CSMD1: variants seen among roughly 807,000 people sequenced by gnomAD.
CSMD1 encodes CUB and sushi domain-containing protein 1.
Under a neutral mutation model 417.5 loss-of-function variants are expected in CSMD1, and 213 were observed. That is an observed-to-expected ratio of 0.51 (90% confidence interval 0.46 to 0.57). The LOEUF is 0.57. Among genes scored for constraint, CSMD1 ranks in the 20% least tolerant of loss-of-function variants. CSMD1 has a pLI of 0.00. For missense variants in CSMD1, 6,923 were observed against 4,529.7 expected (o/e 1.53, Z -15.17); for synonymous variants, 2,862 against 1,736.8 (o/e 1.65, Z -16.11).
chr8:4,925,490 G>A (rs888376443), intron 1 of CSMD1, among the ~76,000 whole-genome samples: 5 of 151,238 alleles, frequency 3.3e-5, no homozygotes, highest in Non-Finnish European at 7.4e-5. Flanking sequence ...GTAATTTCTA[G>A]TCTTGTGTTC....
intron 3 of CSMD1, among the ~76,000 whole-genome samples, chr8:4,223,173 G>T (rs540153761): frequency 6.7e-6 from 1 of 149,474 alleles, no homozygotes; most frequent in Non-Finnish European, 1.5e-5. Flanking sequence ...AGGAGCCTCC[G>T]GGAGTTAATA....
intron 30 of CSMD1, among the ~76,000 whole-genome samples, chr8:3,213,233 G>T (rs1346527335): frequency 1.3e-5 from 2 of 152,170 alleles, no homozygotes; most frequent in African/African-American, 2.4e-5. Flanking sequence ...AAACGAAACT[G>T]GTCTTTGAGC....
chr8:4,859,334 A>G (rs193012458), intron 1 of CSMD1, among the ~76,000 whole-genome samples: 27 of 152,344 alleles, frequency 1.8e-4, no homozygotes, highest in Admixed American at 8.5e-4. Flanking sequence ...CCTAGGCATT[A>G]CCATTCAGGA....
intron 50 of CSMD1, among the ~76,000 whole-genome samples, chr8:3,048,714 T>G (rs1811620790): frequency 6.6e-6 from 1 of 151,652 alleles, no homozygotes; most frequent in Non-Finnish European, 1.5e-5. Context: ...AGGATGCATT[T>G]TAAAAAGAAC....
intron 8 of CSMD1, among the ~76,000 whole-genome samples, chr8:3,615,182 A>C (rs553933157): frequency 6.6e-6 from 1 of 152,114 alleles, no homozygotes; most frequent in African/African-American, 2.4e-5. Context: ...TTCACAACCA[A>C]CTCTTCCTCT....
At chr8:4,684,441 A>G (rs901542269) in intron 1 of CSMD1, among the ~76,000 whole-genome samples, 3 of 152,158 alleles carry the variant, frequency 2.0e-5, no homozygotes, top group Non-Finnish European at 2.9e-5. Context: ...TTTGAAATGG[A>G]TAATTTTTTG....
chr8:3,923,801 G>A (rs975605744), intron 5 of CSMD1, among the ~76,000 whole-genome samples: 2 of 152,116 alleles, frequency 1.3e-5, no homozygotes, highest in African/African-American at 4.8e-5. Context: ...AGTTACCACT[G>A]TTCTACTCCC....
chr8:4,403,374 C>G (rs928302635), intron 3 of CSMD1, among the ~76,000 whole-genome samples: 5 of 152,148 alleles, frequency 3.3e-5, no homozygotes, highest in African/African-American at 1.2e-4. Flanking sequence ...TACTTGACCT[C>G]TCTAACTTCT....
chr8:3,580,328 G>C (rs375772662), intron 9 of CSMD1, among the ~76,000 whole-genome samples: 1 of 152,138 alleles, frequency 6.6e-6, no homozygotes, highest in African/African-American at 2.4e-5. Context: ...GTAAGAAGTG[G>C]TTTTGGAAGG....
intron 7 of CSMD1, among the ~76,000 whole-genome samples, chr8:3,664,058 T>C (rs554136139): frequency 8.5e-5 from 13 of 152,202 alleles, no homozygotes; most frequent in Non-Finnish European, 1.3e-4. Flanking sequence ...AAACTTTAAG[T>C]TCTAGGGTAC....
chr8:3,887,295 T>C lies in CSMD1; in HGVS notation c.818+110608A>G, dbSNP rs1013069882. ...AACCACCTGGGAGGCCCACGGTACA[T>C]CCTCCCCCCATCGCCAGGTGATAGT... On this transcript the variant is annotated intron_variant, in intron 5 of 69. Transcript: ENST00000635120. Among the ~76,000 whole-genome samples the C allele has an allele frequency of 3.9e-5, 6 of 152,234 alleles. No individual in the cohort carries two copies. In the East Asian group the frequency reaches 1.2e-3, roughly 29 times the overall value.
At chr8:4,418,624 A>G (rs976065568) in intron 3 of CSMD1, among the ~76,000 whole-genome samples, 1 of 152,166 alleles carries the variant, frequency 6.6e-6, no homozygotes, top group Non-Finnish European at 1.5e-5. Flanking sequence ...GCTGGTATGG[A>G]TTGCTTTAGA....
At chr8:4,346,791 G>C (rs1040049896) in intron 3 of CSMD1, among the ~76,000 whole-genome samples, 9 of 152,152 alleles carry the variant, frequency 5.9e-5, no homozygotes, top group Non-Finnish European at 8.8e-5. Flanking sequence ...TCAGTGGTAA[G>C]CTCTGGATAC....
chr8:3,730,980 A>G (rs1796219362), intron 6 of CSMD1, among the ~76,000 whole-genome samples: 1 of 152,294 alleles, frequency 6.6e-6, no homozygotes, highest in Admixed American at 6.5e-5. Context: ...TTTATTTCAA[A>G]CATACACAAA....
intron 3 of CSMD1, among the ~76,000 whole-genome samples, chr8:4,166,280 A>C (rs945410231): frequency 1.3e-5 from 2 of 152,210 alleles, no homozygotes; most frequent in African/African-American, 4.8e-5. Flanking sequence ...CATAAACATA[A>C]AAGTTCTTAA....
chr8:4,317,098 G>C (rs1462602808), intron 3 of CSMD1, among the ~76,000 whole-genome samples: 2 of 152,188 alleles, frequency 1.3e-5, no homozygotes, highest in Admixed American at 6.5e-5. Context: ...TCACAGGCAA[G>C]AGGTTTCCAA....
chr8:4,429,294 T>C lies in CSMD1; in HGVS notation c.303-9229A>G, dbSNP rs140591551. On this transcript the variant is annotated intron_variant, in intron 2 of 69. Coordinates refer to ENST00000635120, the MANE Select transcript of CSMD1 (RefSeq NM_033225.6). ...TCTTGTTGAAGAGAATAATTTCTCA[T>C]CAATTTTGCTTCACTGCTCTTCAAG... Among the ~76,000 whole-genome samples the C allele has an allele frequency of 1.4e-3, 220 of 152,204 alleles. 1 individual carries two copies. Among genetic ancestry groups the C allele is most frequent in the African/African-American group, 4.7e-3 (196 of 41,546 alleles).
chr8:3,108,563 G>A (rs778337392), intron 44 of CSMD1, 40 bp downstream of exon 44: 1 of 1,604,160 alleles, frequency 6.2e-7, no homozygotes. Context: ...ACACCACATG[G>A]AATTCTCAGT....
At chr8:4,068,587 G>C (rs1799380623) in intron 3 of CSMD1, among the ~76,000 whole-genome samples, 2 of 152,270 alleles carry the variant, frequency 1.3e-5, no homozygotes, top group South Asian at 4.1e-4. Flanking sequence ...TGAGGTGTTT[G>C]TAATGATTGC....
Sources: allele counts gnomAD v4.1 joint callset (sites outside exome capture counted in the v4.1 genomes callset), GRCh38; gene constraint gnomAD v4.1.1; transcripts MANE v1.5; gene names NCBI Gene and HGNC (gene_info 2026-07-23, HGNC 2026-07-21).